Variants in ZFC3H1 observed in about 807,000 individuals in gnomAD.
ZFC3H1 encodes zinc finger C3H1-type containing, also known as zinc finger C3H1 domain-containing protein.
Under a neutral mutation model 243.7 loss-of-function variants are expected in ZFC3H1, and 71 were observed. The observed-to-expected ratio is 0.29, with a 90% CI of 0.24 to 0.36. ZFC3H1 has a LOEUF of 0.36. Ranked by LOEUF, ZFC3H1 falls within the 10% of genes least tolerant of loss-of-function variation. The pLI is 1.00. For missense variants in ZFC3H1, 1,966 were observed against 2,317.1 expected (o/e 0.85, Z 3.11); for synonymous variants, 838 against 813.0 (o/e 1.03, Z -0.52).
At chr12:71,629,818 A>G in intron 18 of ZFC3H1, 108 bp from the exon 19 acceptor site, 3 of 680,926 alleles carry the variant, frequency 4.4e-6, no homozygotes, top group Non-Finnish European at 7.6e-6. Flanking sequence ...ATTATATGGT[A>G]CTAGTCAATA....
rs1265955960 is a variant in ZFC3H1, at chr12:71,624,312, A to G, written c.4318-20T>C. On this transcript the variant is annotated intron_variant, in intron 22 of 34. Transcript: ENST00000378743. The stretch of plus-strand genomic sequence containing the variant: ...TAGAAACTGCCCAAAGGGCCTTTAT[A>G]TTATTAATGTTGCCTTTCAGGAATA... 2 of 1,563,678 alleles carry G rather than the reference A, an allele frequency of 1.3e-6. No homozygotes were observed. Among genetic ancestry groups the G allele is most frequent in the Non-Finnish European group, 1.7e-6 (2 of 1,155,452 alleles).
At chr12:71,626,158 C>T in intron 22 of ZFC3H1, 102 bp downstream of exon 22, 1 of 1,235,190 alleles carries the variant, frequency 8.1e-7, no homozygotes, top group Non-Finnish European at 1.1e-6. Flanking sequence ...TCAGATAAAG[C>T]ATATGCTCTA....
At chr12:71,647,838 GA>G in intron 2 of ZFC3H1, 25 bp from the exon 3 acceptor site, 1 of 972,722 alleles carries the variant, frequency 1.0e-6, no homozygotes, top group Non-Finnish European at 1.5e-6. Context: ...AATATCTTTT[GA>G]ATAATCCAAA....
chr12:71,651,589 A>G (rs959113733), intron 2 of ZFC3H1, among the ~76,000 whole-genome samples: 5 of 152,222 alleles, frequency 3.3e-5, no homozygotes, highest in Admixed American at 1.3e-4. Flanking sequence ...GAAAACTACC[A>G]TGAGTAGTTT....
chr12:71,611,104 G>GAAAAAAAAAAAAAAAAAAAA lies in ZFC3H1; in HGVS notation c.5730-8_5730-7insTTTTTTTTTTTTTTTTTTTT. The GAAAAAAAAAAAAAAAAAAAA allele has an allele frequency of 7.8e-7, 1 of 1,279,696 alleles. No homozygotes were observed. The highest frequency in any genetic ancestry group is 1.0e-6 in the Non-Finnish European group (1 of 983,334). 79.3% of individuals were successfully genotyped at this position (1,279,696 alleles called of 1,614,324 possible). Reference sequence around the variant, plus strand: ...AATCTCAGCAGCAATGGCTCTAAGAGAAAAAAAAAAAAAAAGAAATATAGA... The same window carrying GAAAAAAAAAAAAAAAAAAAA: ...AATCTCAGCAGCAATGGCTCTAAGAGAAAAAAAAAAAAAAAAAAAAAAAAAAAAAAAAAAAGAAATATAGA... On this transcript the variant is annotated splice_polypyrimidine_tract_variant and splice_region_variant and intron_variant, in intron 32 of 34. Coordinates refer to ENST00000378743, the MANE Select transcript of ZFC3H1 (RefSeq NM_144982.5).
At chr12:71,619,473 G>T in intron 26 of ZFC3H1, 64 bp from the exon 27 acceptor site, 1 of 1,491,146 alleles carries the variant, frequency 6.7e-7, no homozygotes, top group East Asian at 2.4e-5. Flanking sequence ...AATGTCACGA[G>T]GGAGAAAAAA....
rs1448007598 is a variant in ZFC3H1, at chr12:71,613,518, A to G, written c.5527-83T>C. The G allele has an allele frequency of 7.1e-6, 6 of 839,424 alleles. No homozygotes were observed. The East Asian group carries it at 1.1e-4, about 15-fold the overall frequency. The allele number at this position is 839,424 out of a possible 1,614,324, so 52.0% of individuals were successfully genotyped here. ...CTATGTGTTTTAACACGAAAACCAA[A>G]ATGGTCTTTAAGATATGAATGTATA... On this transcript the variant is annotated intron_variant, in intron 30 of 34. Coordinates refer to ENST00000378743, the MANE Select transcript of ZFC3H1 (RefSeq NM_144982.5).
At chr12:71,653,059 A>C (rs945020327) in intron 2 of ZFC3H1, among the ~76,000 whole-genome samples, 4 of 152,100 alleles carry the variant, frequency 2.6e-5, no homozygotes, top group African/African-American at 9.7e-5. Flanking sequence ...CAGAAATCAA[A>C]CCCCCAAAGA....
intron 24 of ZFC3H1, among the ~76,000 whole-genome samples, chr12:71,621,476 G>A (rs994707892): frequency 2.6e-5 from 4 of 151,988 alleles, no homozygotes; most frequent in South Asian, 2.1e-4. Context: ...ACTAGTTTTT[G>A]TATTTTTAGT....
chr12:71,622,682 C>T (rs1358451915), intron 24 of ZFC3H1, among the ~76,000 whole-genome samples: 3 of 152,108 alleles, frequency 2.0e-5, no homozygotes, highest in East Asian at 3.9e-4. Flanking sequence ...AGACTGGTCT[C>T]GAACTCCTGA....
At chr12:71,613,561 A>G in intron 30 of ZFC3H1, 126 bp from the exon 31 acceptor site, 1 of 562,228 alleles carries the variant, frequency 1.8e-6, no homozygotes, top group Non-Finnish European at 3.1e-6. Flanking sequence ...ATAATGTATG[A>G]TGTTGTGAGT....
chr12:71,644,416 ATGCTCCT>A, intron 4 of ZFC3H1, 98 bp from the exon 5 acceptor site: 1 of 1,288,810 alleles, frequency 7.8e-7, no homozygotes, highest in Non-Finnish European at 1.0e-6. Context: ...ATCAGTGATG[ATGCTCCT>A]AAGTTGTTTA....
intron 2 of ZFC3H1, among the ~76,000 whole-genome samples, chr12:71,652,864 C>A (rs1368883564): frequency 6.6e-6 from 1 of 150,824 alleles, no homozygotes; most frequent in African/African-American, 2.4e-5. Context: ...GAGGGTTGAA[C>A]TGATTCCAAG....
In ZFC3H1 at chr12:71,609,750, T is replaced by C. The variant is rs193216344; in HGVS notation, c.*678A>G. 6.4e-4 allele frequency: 98 copies of C among 152,720 alleles called. 1 individual carries two copies. The highest frequency in any genetic ancestry group is 1.0e-4 in the Non-Finnish European group (7 of 68,014). The allele number at this position is 152,720 out of a possible 1,614,324, so 9.5% of individuals were successfully genotyped here. On this transcript the variant is annotated 3_prime_UTR_variant, in exon 35 of 35. Transcript: ENST00000378743. ...AATTTCTTTACAAAAAAATTGCACATAATATTTGACCACTCTTAGGTTCTG... is the reference window on the plus strand; with the variant it reads ...AATTTCTTTACAAAAAAATTGCACACAATATTTGACCACTCTTAGGTTCTG...
intron 2 of ZFC3H1, among the ~76,000 whole-genome samples, chr12:71,653,704 G>A (rs1386295348): frequency 2.6e-5 from 4 of 152,222 alleles, no homozygotes; most frequent in African/African-American, 9.6e-5. Flanking sequence ...ATGGAAGCCA[G>A]AAAATATTGT....
intron 27 of ZFC3H1, among the ~76,000 whole-genome samples, 191 bp from the exon 28 acceptor site, chr12:71,615,507 GCTTT>G: frequency 6.6e-6 from 1 of 152,090 alleles, no homozygotes; most frequent in South Asian, 2.1e-4. Context: ...TACTCAAAAT[GCTTT>G]TTTTTGTTTG....
Position 71,663,504 on chromosome 12 carries a change from A to G in ZFC3H1, c.107T>C (p.Ile36Thr), listed in dbSNP as rs746622605. 1.9e-6 allele frequency: 3 copies of G among 1,613,618 alleles called. No individual in the cohort carries two copies. Among genetic ancestry groups the G allele is most frequent in the South Asian group, 2.2e-5 (2 of 91,092 alleles). The change falls in exon 1 of 35, where the codon ATA (isoleucine) becomes ACA (threonine). Residue 36 changes from isoleucine (I) to threonine (T), a missense_variant. Ile to Thr is a moderately conservative substitution (Grantham distance 89). Transcript: ENST00000378743. ...GCTGCTGCTGCTGCTCCGACTCCGT[A>G]TCTGGCTGTTATTATCGTCGTCACT... is the stretch of plus-strand genomic sequence containing the variant. ...EISDDDNNSQIRSRSSSSSSG... is the reference protein window; with the variant it reads ...EISDDDNNSQTRSRSSSSSSG...
At chr12:71,636,262 CA>C (rs1880456760) in intron 9 of ZFC3H1, among the ~76,000 whole-genome samples, 1 of 152,132 alleles carries the variant, frequency 6.6e-6, no homozygotes, top group African/African-American at 2.4e-5. Flanking sequence ...CTGATGAAAA[CA>C]ATACCTCCCC....
Position 71,627,794 on chromosome 12 carries a change from G to A in ZFC3H1, c.4087C>T (p.Leu1363Phe). 1 of 1,613,646 alleles carries A rather than the reference G, an allele frequency of 6.2e-7. No homozygotes were observed. Among genetic ancestry groups the A allele is most frequent in the Non-Finnish European group, 8.5e-7 (1 of 1,179,816 alleles). ...SVLENPSHVQLWLKLAYKYLN... is the reference protein window; with the variant it reads ...SVLENPSHVQFWLKLAYKYLN... ...TACTTGTACGCAAGCTTGAGCCAAA[G>A]TTGTACATGAGAAGGATTTTCAAGC... is the stretch of plus-strand genomic sequence containing the variant. Residue 1363 changes from leucine to phenylalanine, a missense_variant, in exon 21 of 35, where the codon CTT (leucine) becomes TTT (phenylalanine). By Grantham distance (22) the Leu-to-Phe change is conservative (BLOSUM62 0). Around this residue, in one of 4 missense-constraint regions of ZFC3H1, gnomAD observed 1,383 missense variants for 1,723.7 expected, o/e 0.80. Transcript: ENST00000378743.
Sources: allele counts gnomAD v4.1 joint callset (sites outside exome capture counted in the v4.1 genomes callset), GRCh38; gene constraint gnomAD v4.1.1; regional missense constraint gnomAD v4.1.1; transcripts MANE v1.5; gene names NCBI Gene and HGNC (gene_info 2026-07-23, HGNC 2026-07-21).